FREM1: variants seen among roughly 807,000 people sequenced by gnomAD.
FREM1 encodes FRAS1-related extracellular matrix protein 1.
In FREM1, 220 loss-of-function variants were observed where a neutral mutation model predicts 210.1. That is an observed-to-expected ratio of 1.05 (90% CI 0.94 to 1.17). The LOEUF is 1.17. Ranked by LOEUF, FREM1 falls within the 50% of genes most tolerant of loss-of-function variation. The pLI is 0.00. For missense variants in FREM1, 3,454 were observed against 2,675.5 expected (o/e 1.29, Z -6.42); for synonymous variants, 1,189 against 980.2 (o/e 1.21, Z -3.98).
intron 23 of FREM1, among the ~76,000 whole-genome samples, chr9:14,787,900 T>G (rs558305195): frequency 3.5e-4 from 54 of 152,182 alleles, no homozygotes; most frequent in Non-Finnish European, 6.3e-4. Flanking sequence ...TAGACTTCTT[T>G]AAGGAACACA....
intron 27 of FREM1, among the ~76,000 whole-genome samples, chr9:14,766,482 C>T (rs1846430822): frequency 6.6e-6 from 1 of 152,102 alleles, no homozygotes. Flanking sequence ...TCGATGATTC[C>T]AGGATGTGAT....
At chr9:14,860,423 C>A (rs1829592933) in intron 3 of FREM1, among the ~76,000 whole-genome samples, 1 of 151,836 alleles carries the variant, frequency 6.6e-6, no homozygotes, top group South Asian at 2.1e-4. Context: ...CTTCCAGCCT[C>A]CCAGCAGCCT....
chr9:14,746,362 C>A lies in FREM1; in HGVS notation c.6245G>T (p.Cys2082Phe), dbSNP rs756563762. ...KGTWNAAAQA[C>F]REQYLGNLVT... ...CAATAGGGTGCCTTACTGTTCCCTG[C>A]AAGCTTGGGCAGCCGCATTCCAGGT... is the stretch of plus-strand genomic sequence containing the variant. Residue 2082 changes from cysteine (C) to phenylalanine (F), a missense_variant, in exon 35 of 37, where the codon TGC becomes TTC. Physicochemically the swap from Cys to Phe is radical, Grantham distance 205. Coordinates refer to ENST00000380880, the MANE Select transcript of FREM1 (RefSeq NM_001379081.2). The A allele has an allele frequency of 1.9e-6, 3 of 1,613,138 alleles. No individual in the cohort carries two copies. The highest frequency in any genetic ancestry group is 1.7e-5 in the Admixed American group (1 of 60,008).
rs547465524 is a variant in FREM1 at position 14,848,630 on chromosome 9, G to A, written c.1261+35C>T. On this transcript the variant is annotated intron_variant, in intron 7 of 36. Transcript: ENST00000380880. ...ATCTACTTTCTTGTATTCCCTTCAG[G>A]GCTATGTTGCTCTATGCCTTATATT... The A allele has an allele frequency of 2.2e-5, 28 of 1,249,936 alleles. 1 individual carries two copies. In the South Asian group the frequency reaches 3.0e-4, roughly 13 times the overall value. 77.4% of individuals were successfully genotyped at this position (1,249,936 alleles called of 1,614,324 possible).
intron 10 of FREM1, among the ~76,000 whole-genome samples, chr9:14,834,580 G>A (rs1824187379): frequency 6.6e-6 from 1 of 152,116 alleles, no homozygotes; most frequent in Non-Finnish European, 1.5e-5. Flanking sequence ...TTTGCCTTTT[G>A]AGTCATCATT....
chr9:14,846,079 A>G lies in FREM1; in HGVS notation c.1274T>C (p.Leu425Pro). The change falls in exon 8 of 37, where the codon CTT becomes CCT. Residue 425 changes from leucine (L) to proline (P), a missense_variant. Transcript: ENST00000380880. ...AGTGATGGCTCGAGACTGCCCCTCA[A>G]GGAGACTCAGACCTATGAAAGAAAG... ...RVSWNTGLSL[L>P]EGQSRAITWE... is the part of the protein sequence containing the mutation. 2 of 1,577,778 alleles carry G rather than the reference A, an allele frequency of 1.3e-6. No homozygotes were observed. The highest frequency in any genetic ancestry group is 1.3e-5 in the African/African-American group (1 of 74,260).
chr9:14,756,372 A>T lies in FREM1; in HGVS notation c.5407+2T>A. 1 of 1,583,330 alleles carries T rather than the reference A, an allele frequency of 6.3e-7. No homozygotes were observed. Among genetic ancestry groups the T allele is most frequent in the South Asian group, 1.2e-5 (1 of 84,372 alleles). ...AAAACAAACTGCAGACACAAAATGT[A>T]CCTGGGTCAAACTGAATCAGTTTAG... is the stretch of plus-strand genomic sequence containing the variant. On this transcript the variant is annotated splice_donor_variant, in intron 29 of 36. Transcript: ENST00000380880. LOFTEE classifies it high-confidence loss of function.
At chr9:14,855,875 C>T (rs1156546431) in intron 5 of FREM1, among the ~76,000 whole-genome samples, 1 of 151,594 alleles carries the variant, frequency 6.6e-6, no homozygotes, top group African/African-American at 2.4e-5. Flanking sequence ...AAAATGGCTC[C>T]AATTTTTTTT....
chr9:14,776,833 A>T (rs1247218374), intron 24 of FREM1, among the ~76,000 whole-genome samples: 2 of 152,212 alleles, frequency 1.3e-5, no homozygotes, highest in African/African-American at 4.8e-5. Flanking sequence ...CCAGAAGATC[A>T]TTAAGTACCA....
At chr9:14,816,739 G>C (rs1453865422) in intron 15 of FREM1, 39 bp downstream of exon 15, 1 of 1,121,278 alleles carries the variant, frequency 8.9e-7, no homozygotes, top group Non-Finnish European at 1.2e-6. Context: ...GCACAAAACA[G>C]ACTAAGACAA....
chr9:14,840,605 A>G (rs1361379913), intron 10 of FREM1, among the ~76,000 whole-genome samples: 1 of 152,164 alleles, frequency 6.6e-6, no homozygotes, highest in South Asian at 2.1e-4. Flanking sequence ...CCATGATTCA[A>G]TTACCTCCCA....
Position 14,898,656 on chromosome 9 carries a change from C to T in FREM1, c.-268+11258G>A, listed in dbSNP as rs563824079. On this transcript the variant is annotated intron_variant, in intron 1 of 36. Transcript: ENST00000380880. ...ACTCAGGAGGCTGAGGCAGGAGAATCGCTTGAACCCAAGAGGCGGAGGTTG... is the reference window on the plus strand; with the variant it reads ...ACTCAGGAGGCTGAGGCAGGAGAATTGCTTGAACCCAAGAGGCGGAGGTTG... 1.4e-4 allele frequency among the ~76,000 whole-genome samples: 22 copies of T among 152,274 alleles called. No homozygotes were observed. In the South Asian group the frequency reaches 3.7e-3, roughly 26 times the overall value.
At chr9:14,804,378 G>A (rs1264692216) in intron 19 of FREM1, among the ~76,000 whole-genome samples, 4 of 152,154 alleles carry the variant, frequency 2.6e-5, no homozygotes, top group African/African-American at 4.8e-5. Context: ...GAGGTCAGGA[G>A]ATCAAGACCA....
At chr9:14,885,983 C>A (rs1314670170) in intron 1 of FREM1, among the ~76,000 whole-genome samples, 1 of 152,132 alleles carries the variant, frequency 6.6e-6, no homozygotes. Flanking sequence ...TTGATCAGCA[C>A]CTCCCCAGTC....
chr9:14,872,926 T>C (rs1351068398), intron 1 of FREM1, among the ~76,000 whole-genome samples: 1 of 150,534 alleles, frequency 6.6e-6, no homozygotes. Context: ...ATTGAGATAA[T>C]CATGTGGTTT....
chr9:14,855,973 T>C (rs914593413), intron 5 of FREM1, among the ~76,000 whole-genome samples: 4 of 151,972 alleles, frequency 2.6e-5, no homozygotes, highest in African/African-American at 9.7e-5. Context: ...AGACCTAGTG[T>C]TTAGGTCTGT....
intron 19 of FREM1, among the ~76,000 whole-genome samples, chr9:14,804,563 C>G (rs896041905): frequency 2.0e-5 from 3 of 152,034 alleles, no homozygotes; most frequent in African/African-American, 7.2e-5. Flanking sequence ...CCAGCCTGGG[C>G]GACAGAGCGG....
At chr9:14,764,699 G>C (rs1331685198) in intron 27 of FREM1, among the ~76,000 whole-genome samples, 1 of 152,160 alleles carries the variant, frequency 6.6e-6, no homozygotes, top group East Asian at 1.9e-4. Flanking sequence ...AGACTCCCCT[G>C]TGACACCGAA....
chr9:14,797,233 C>T (rs1852592795), intron 21 of FREM1, among the ~76,000 whole-genome samples: 2 of 152,188 alleles, frequency 1.3e-5, no homozygotes, highest in Non-Finnish European at 2.9e-5. Context: ...TCATTCCATA[C>T]TGTGTGTTCA....
Sources: allele counts gnomAD v4.1 joint callset (sites outside exome capture counted in the v4.1 genomes callset), GRCh38; gene constraint gnomAD v4.1.1; transcripts MANE v1.5; gene names NCBI Gene and HGNC (gene_info 2026-07-23, HGNC 2026-07-21).